The following SLC1A6 variants were observed in gnomAD, a reference collection of about 807,000 sequenced individuals.
SLC1A6 encodes solute carrier family 1 member 6, also known as excitatory amino acid transporter 4.
Under a neutral mutation model 42.1 loss-of-function variants are expected in SLC1A6, and 15 were observed. That is an observed-to-expected ratio of 0.36 (90% CI 0.24 to 0.55). The LOEUF is 0.55. SLC1A6 is among the 20% of genes least tolerant of loss of function. SLC1A6 has a pLI of 0.88. For missense variants in SLC1A6, 542 were observed against 772.5 expected (o/e 0.70, Z 3.54); for synonymous variants, 317 against 319.7 (o/e 0.99, Z 0.09).
intron 6 of SLC1A6, among the ~76,000 whole-genome samples, 154 bp from the exon 7 acceptor site, chr19:14,956,863 C>T (rs1209633986): frequency 1.3e-5 from 2 of 152,114 alleles, no homozygotes; most frequent in African/African-American, 4.8e-5. Flanking sequence ...TCCCCGTACA[C>T]TAATGAATGC....
rs73929506 is a variant in SLC1A6 at position 14,997,730 on chromosome 19, C to T, written c.6+12755G>A. Reference sequence around the variant, plus strand: ...CATTATATTAGTTTTCTAGGGCTGCCATAACAAATCACAGCAAATTGTCTG... The same window carrying T: ...CATTATATTAGTTTTCTAGGGCTGCTATAACAAATCACAGCAAATTGTCTG... On this transcript the variant is annotated intron_variant, in intron 1 of 8. Coordinates refer to the SLC1A6 transcript ENST00000430939. Among the ~76,000 whole-genome samples, 618 of 152,226 alleles carry T rather than the reference C, an allele frequency of 4.1e-3. 3 individuals carry two copies. Among genetic ancestry groups the T allele is most frequent in the African/African-American group, 0.015 (609 of 41,536 alleles).
At chr19:14,989,491 C>T (rs1195751315) in intron 1 of SLC1A6, among the ~76,000 whole-genome samples, 5 of 151,772 alleles carry the variant, frequency 3.3e-5, no homozygotes, top group African/African-American at 4.8e-5. Context: ...GAACTCCCGA[C>T]CTCAGGTGAT....
chr19:14,985,223 A>G (rs1252956091), intron 1 of SLC1A6, among the ~76,000 whole-genome samples: 2 of 152,192 alleles, frequency 1.3e-5, no homozygotes, highest in African/African-American at 4.8e-5. Context: ...TTGAAGTGAC[A>G]GATATATTTC....
At chr19:14,993,024 C>A (rs989557593) in intron 1 of SLC1A6, among the ~76,000 whole-genome samples, 1 of 152,106 alleles carries the variant, frequency 6.6e-6, no homozygotes, top group Non-Finnish European at 1.5e-5. Flanking sequence ...TCCCAGGGCC[C>A]CAGAGGGAGC....
In SLC1A6 at chr19:14,971,599, C is replaced by T. The variant is rs879068414; in HGVS notation, c.343+138G>A. 12 of 838,216 alleles carry T rather than the reference C, an allele frequency of 1.4e-5. No homozygotes were observed. The South Asian group carries it at 1.6e-4, about 11-fold the overall frequency. 51.9% of individuals were successfully genotyped at this position (838,216 alleles called of 1,614,324 possible). A position where few individuals can be genotyped will look rare whatever the true frequency, so the allele number is the denominator to read the frequency against. ...GACCTGGGCTTTGTTTGGCCAAGGA[C>T]GCTGGACCAGACACAGGCTCCATGT... On this transcript the variant is annotated intron_variant, in intron 3 of 9. Transcript: ENST00000594383.
upstream of SLC1A6, among the ~76,000 whole-genome samples, chr19:14,983,704 C>G (rs543183244): frequency 2.8e-5 from 2 of 70,382 alleles, no homozygotes; most frequent in South Asian, 5.1e-4. Flanking sequence ...ACAACAACAA[C>G]AAGAACAACA....
At chr19:15,010,546 G>T (rs1460153301) in exon 1 of SLC1A6, 4 of 643,518 alleles carry the variant, frequency 6.2e-6, no homozygotes, top group African/African-American at 3.6e-5. Context: ...AAAGCTGGAA[G>T]AAGGGCCATG....
intron 4 of SLC1A6, among the ~76,000 whole-genome samples, chr19:14,965,017 A>G (rs908761003): frequency 1.3e-5 from 2 of 148,604 alleles, no homozygotes; most frequent in Admixed American, 1.4e-4. Context: ...AACAGTATGG[A>G]GATTTCTTTT....
intron 1 of SLC1A6, among the ~76,000 whole-genome samples, chr19:14,996,325 G>A (rs1195678422): frequency 6.6e-6 from 1 of 152,222 alleles, no homozygotes; most frequent in African/African-American, 2.4e-5. Flanking sequence ...GGGAGTTATT[G>A]TTTGATGGGC....
At chr19:14,982,134 A>G (rs1358530972), upstream of SLC1A6, among the ~76,000 whole-genome samples, 1 of 152,204 alleles carries the variant, frequency 6.6e-6, no homozygotes, top group Admixed American at 6.6e-5. Flanking sequence ...GGAGTCTAAG[A>G]AGATATGACA....
At chr19:14,956,048 AGAG>A (rs999652935) in intron 7 of SLC1A6, among the ~76,000 whole-genome samples, 1 of 152,180 alleles carries the variant, frequency 6.6e-6, no homozygotes, top group African/African-American at 2.4e-5. Context: ...CAAAAGAAGA[AGAG>A]GAGGAGGAAG....
chr19:15,002,605 A>T lies in SLC1A6; in HGVS notation c.6+7880T>A, dbSNP rs548143698. 3.9e-5 allele frequency among the ~76,000 whole-genome samples: 6 copies of T among 152,354 alleles called. No homozygotes were observed. The South Asian group carries it at 1.2e-3, about 32-fold the overall frequency. ...CCACACTCAAGGGATTACACAGGGCATGAGGATCAGGAGGTGAGGACCATT... is the reference window on the plus strand; with the variant it reads ...CCACACTCAAGGGATTACACAGGGCTTGAGGATCAGGAGGTGAGGACCATT... On this transcript the variant is annotated intron_variant, in intron 1 of 8. Transcript: ENST00000430939.
At chr19:14,983,238 A>G (rs1180718343), upstream of SLC1A6, among the ~76,000 whole-genome samples, 1 of 152,230 alleles carries the variant, frequency 6.6e-6, no homozygotes, top group Non-Finnish European at 1.5e-5. Context: ...TACAGTGAAC[A>G]AGCATCCTAT....
rs1404059102 is a variant in SLC1A6 at position 14,995,880 on chromosome 19, C to T, written c.6+14605G>A. ...ACTGGTAGATCCAGGAGCTAGGTTACCCCGGAAAAGAACATTAGACAGCAA... is the reference window on the plus strand; with the variant it reads ...ACTGGTAGATCCAGGAGCTAGGTTATCCCGGAAAAGAACATTAGACAGCAA... On this transcript the variant is annotated intron_variant, in intron 1 of 8. Coordinates refer to the SLC1A6 transcript ENST00000430939. Among the ~76,000 whole-genome samples the T allele has an allele frequency of 2.6e-5, 4 of 151,834 alleles. No individual in the cohort carries two copies. In the East Asian group the frequency reaches 7.7e-4, roughly 29 times the overall value.
intron 4 of SLC1A6, among the ~76,000 whole-genome samples, chr19:14,966,494 T>C (rs1370276325): frequency 6.6e-6 from 1 of 151,688 alleles, no homozygotes; most frequent in African/African-American, 2.4e-5. Context: ...ATAAAAACAA[T>C]TAAAAGAGTA....
At position 14,968,424 on chromosome 19, in the gene SLC1A6, C is replaced by T. The variant is rs753288163; in HGVS notation, c.427G>A (p.Val143Ile). ...VYYMVTTIIA[V>I]FIGILMVTII... ...GTGACCATGAGGATGCCGATGAAGA[C>T]CGCGATGATGGTGGTCACCATGTAG... The change falls in exon 4 of 10, where the codon GTC becomes ATC. Residue 143 changes from valine (V) to isoleucine (I), a missense_variant. Around this residue, in one of 6 missense-constraint regions of SLC1A6, gnomAD observed 298 missense variants for 419.4 expected, o/e 0.71. Coordinates refer to ENST00000594383, the MANE Select transcript of SLC1A6 (RefSeq NM_005071.3). The T allele has an allele frequency of 6.2e-7, 1 of 1,613,780 alleles. No individual in the cohort carries two copies. The highest frequency in any genetic ancestry group is 1.1e-5 in the South Asian group (1 of 90,960).
chr19:14,993,687 T>C (rs1316145206), intron 1 of SLC1A6, among the ~76,000 whole-genome samples: 1 of 152,152 alleles, frequency 6.6e-6, no homozygotes, highest in Non-Finnish European at 1.5e-5. Context: ...AAGGAGGACA[T>C]GCATTGCAAG....
intron 3 of SLC1A6, among the ~76,000 whole-genome samples, chr19:14,970,710 C>CAA (rs57486120): frequency 2.2e-5 from 3 of 137,926 alleles, no homozygotes; most frequent in Non-Finnish European, 4.8e-5. Context: ...CACTCTGTCT[C>CAA]AAAAAAAAAA....
In SLC1A6 at chr19:14,962,019, C is replaced by T. The variant is rs747179424; in HGVS notation, c.918G>A (p.Leu306=). 48 of 1,613,616 alleles carry T rather than the reference C, an allele frequency of 3.0e-5. No homozygotes were observed. The highest frequency in any genetic ancestry group is 4.0e-5 in the Non-Finnish European group (47 of 1,179,664). The part of the protein sequence containing the change: ...FDSLNEAIMR[L]VGIIIWYAPV... ...GGACTCACCAGATAATGATGCCCAC[C>T]AGCCTCATAATAGCCTCATTGAGGC... Residue 306 remains leucine, a synonymous_variant, in exon 6 of 10, where the codon CTG becomes CTA. Transcript: ENST00000594383.
Sources: allele counts gnomAD v4.1 joint callset (sites outside exome capture counted in the v4.1 genomes callset), GRCh38; gene constraint gnomAD v4.1.1; regional missense constraint gnomAD v4.1.1; transcripts MANE v1.5; gene names NCBI Gene and HGNC (gene_info 2026-07-23, HGNC 2026-07-21).